CFAP77: variants seen among roughly 807,000 people sequenced by gnomAD.
The protein encoded by CFAP77 is cilia- and flagella-associated protein 77.
A neutral mutation model predicts 31.1 loss-of-function variants in CFAP77; 25 were observed. The observed-to-expected ratio is 0.80, with a 90% CI of 0.59 to 1.12. The LOEUF (loss-of-function observed/expected upper bound fraction) is 1.12, where lower values mean the gene tolerates loss of function less well. Ranked by LOEUF, CFAP77 falls within the 50% of genes most tolerant of loss-of-function variation. The probability of loss-of-function intolerance (pLI) is 0.00; values close to 1 mark genes in which losing one functional copy is unlikely to be tolerated. For missense variants in CFAP77, 377 were observed against 397.3 expected (o/e 0.95, Z 0.44); for synonymous variants, 151 against 159.9 (o/e 0.94, Z 0.42).
Position 132,498,159 on chromosome 9 carries a change from G to A in CFAP77, c.196-536G>A, listed in dbSNP as rs1394635608. Among the ~76,000 whole-genome samples, 1 of 152,164 alleles carries A rather than the reference G, an allele frequency of 6.6e-6. No individual in the cohort carries two copies. The highest frequency in any genetic ancestry group is 1.5e-5 in the Non-Finnish European group (1 of 68,024). On this transcript the variant is annotated intron_variant, in intron 1 of 5. Coordinates refer to ENST00000393216, the MANE Select transcript of CFAP77 (RefSeq NM_001282957.2). This position sits in a 1 kb window ranked among gnomAD's most constrained non-coding sequence, Gnocchi z 4.2. ...TAAGGACATCTGGCCAGGTGCAGAT[G>A]GGTGGCAGTGGCCCTGTCACTGTGT...
intron 1 of CFAP77, among the ~76,000 whole-genome samples, chr9:132,435,235 G>T (rs1055706730): frequency 6.6e-6 from 1 of 152,148 alleles, no homozygotes; most frequent in South Asian, 2.1e-4. Flanking sequence ...AGGCTAATGA[G>T]ACAGAAAGCG....
At chr9:132,558,898 C>T (rs1337470746) in intron 5 of CFAP77, among the ~76,000 whole-genome samples, 1 of 151,488 alleles carries the variant, frequency 6.6e-6, no homozygotes, top group Admixed American at 6.6e-5. Flanking sequence ...CCTGTAATCC[C>T]AGTTGCTCAG....
chr9:132,502,192 C>G (rs1229538731), intron 3 of CFAP77, among the ~76,000 whole-genome samples: 1 of 149,894 alleles, frequency 6.7e-6, no homozygotes, highest in Admixed American at 6.7e-5. Flanking sequence ...CCTAGCTTAT[C>G]TTTCCAATCT....
At chr9:132,429,571 C>A (rs536385218) in intron 1 of CFAP77, among the ~76,000 whole-genome samples, 205 of 147,090 alleles carry the variant, frequency 1.4e-3, no homozygotes, top group African/African-American at 4.6e-3. Flanking sequence ...AAGGCCGGGC[C>A]CAGTGGCTCA....
At chr9:132,513,383 A>G in intron 3 of CFAP77, 3 of 1,524,018 alleles carry the variant, frequency 2.0e-6, no homozygotes, top group Non-Finnish European at 2.6e-6. Context: ...TTAATATTGA[A>G]GAAATAAAAC....
intron 1 of CFAP77, among the ~76,000 whole-genome samples, chr9:132,430,176 A>AT (rs1850388351): frequency 1.3e-5 from 2 of 152,096 alleles, no homozygotes; most frequent in African/African-American, 4.8e-5. Context: ...TCATTCATAA[A>AT]TTTTTTAAAA....
chr9:132,508,584 T>TG (rs371173631), intron 3 of CFAP77, among the ~76,000 whole-genome samples: 9 of 151,600 alleles, frequency 5.9e-5, no homozygotes, highest in South Asian at 4.2e-4. Context: ...ATTAGGACAG[T>TG]GGGGGGGTTT....
chr9:132,569,174 G>C (rs1013755490), intron 5 of CFAP77, among the ~76,000 whole-genome samples: 1 of 152,242 alleles, frequency 6.6e-6, no homozygotes, highest in Middle Eastern at 3.4e-3. Context: ...GAGGCCAAGG[G>C]AGGAGGATCA....
At chr9:132,451,812 T>C (rs1589857972) in intron 1 of CFAP77, among the ~76,000 whole-genome samples, 1 of 151,194 alleles carries the variant, frequency 6.6e-6, no homozygotes, top group African/African-American at 2.4e-5. Context: ...CTTTTCTTTT[T>C]TTTTTTTTTC....
intron 4 of CFAP77, among the ~76,000 whole-genome samples, chr9:132,538,059 C>G (rs560159336): frequency 3.0e-4 from 46 of 152,292 alleles, no homozygotes; most frequent in Middle Eastern, 3.4e-3. Flanking sequence ...TTAGACTAAT[C>G]CAACCTGGCC....
intron 4 of CFAP77, among the ~76,000 whole-genome samples, chr9:132,541,735 C>T (rs570596249): frequency 1.3e-5 from 2 of 152,170 alleles, no homozygotes; most frequent in East Asian, 1.9e-4. Flanking sequence ...CACAAAAAAA[C>T]GGGTAGGGGG....
chr9:132,431,853 C>G (rs1850416320), intron 1 of CFAP77, among the ~76,000 whole-genome samples: 2 of 152,234 alleles, frequency 1.3e-5, no homozygotes, highest in Non-Finnish European at 2.9e-5. Flanking sequence ...TTGCACCAAC[C>G]TAGTACATCT....
chr9:132,513,647 T>G (rs1750913169), intron 3 of CFAP77, among the ~76,000 whole-genome samples: 1 of 152,186 alleles, frequency 6.6e-6, no homozygotes. Flanking sequence ...GTCTGAATCG[T>G]CCGCCACAGG....
At chr9:132,492,882 G>A (rs1338808369) in intron 1 of CFAP77, among the ~76,000 whole-genome samples, 1 of 152,238 alleles carries the variant, frequency 6.6e-6, no homozygotes, top group Non-Finnish European at 1.5e-5. Flanking sequence ...TGCACCTAAA[G>A]GGCTGGATTG....
intron 1 of CFAP77, among the ~76,000 whole-genome samples, chr9:132,470,983 AT>A (rs895281920): frequency 2.0e-5 from 3 of 152,120 alleles, no homozygotes; most frequent in South Asian, 2.1e-4. Context: ...GTTTCAAAAA[AT>A]TTTTTTTAAA....
At chr9:132,472,511 C>T (rs1851277558) in intron 1 of CFAP77, among the ~76,000 whole-genome samples, 1 of 152,208 alleles carries the variant, frequency 6.6e-6, no homozygotes, top group African/African-American at 2.4e-5. Flanking sequence ...AATCCCAATG[C>T]TTTGAGAGGC....
In CFAP77 at chr9:132,502,414, G is replaced by A. The variant is rs953488900; in HGVS notation, c.524+2814G>A. Reference sequence around the variant, plus strand: ...TGGGAATCATTACATTCACGTCGTTGTGTGACCGTCACCACCATCCATCTC... The same window carrying A: ...TGGGAATCATTACATTCACGTCGTTATGTGACCGTCACCACCATCCATCTC... On this transcript the variant is annotated intron_variant, in intron 3 of 5. Transcript: ENST00000393216. Among the ~76,000 whole-genome samples, 29 of 151,912 alleles carry A rather than the reference G, an allele frequency of 1.9e-4. 1 individual carries two copies. The highest frequency in any genetic ancestry group is 1.4e-3 in the Admixed American group (21 of 15,250).
At chr9:132,566,900 C>T (rs1378433707) in intron 5 of CFAP77, among the ~76,000 whole-genome samples, 1 of 152,208 alleles carries the variant, frequency 6.6e-6, no homozygotes, top group African/African-American at 2.4e-5. Context: ...CCGCTGGAGG[C>T]CAGACAGATT....
At chr9:132,443,984 A>C (rs188856128) in intron 1 of CFAP77, among the ~76,000 whole-genome samples, 5 of 152,352 alleles carry the variant, frequency 3.3e-5, no homozygotes, top group African/African-American at 1.2e-4. Context: ...TTAAGTGTCA[A>C]TTCTGAGCTG....
Sources: allele counts gnomAD v4.1 joint callset (sites outside exome capture counted in the v4.1 genomes callset), GRCh38; gene constraint gnomAD v4.1.1; non-coding constraint Gnocchi (gnomAD v3.1); transcripts MANE v1.5; gene names NCBI Gene and HGNC (gene_info 2026-07-23, HGNC 2026-07-21).